FRMD4A: variants seen among roughly 807,000 people sequenced by gnomAD.
The protein encoded by FRMD4A is FERM domain-containing protein 4A.
In FRMD4A, 29 loss-of-function variants were observed where a neutral mutation model predicts 129.1. The ratio of observed to expected loss-of-function variants is 0.22; its 90% CI spans 0.17 to 0.31. The LOEUF (loss-of-function observed/expected upper bound fraction) is 0.31. Ranked by LOEUF, FRMD4A falls within the 10% of genes least tolerant of loss-of-function variation. The pLI is 1.00. For missense variants in FRMD4A, 1,272 were observed against 1,375.8 expected, an observed-to-expected ratio of 0.92 and a Z score of 1.19; for synonymous variants, 634 against 571.6, an observed-to-expected ratio of 1.11 and a Z score of -1.56.
intron 2 of FRMD4A, among the ~76,000 whole-genome samples, chr10:13,862,209 T>C (rs1351043003): frequency 6.6e-6 from 1 of 152,234 alleles, no homozygotes; most frequent in Non-Finnish European, 1.5e-5. Context: ...TGAGCTTCGT[T>C]TTATCATAAA....
chr10:13,724,340 A>G (rs1319187079), intron 12 of FRMD4A, among the ~76,000 whole-genome samples: 2 of 152,042 alleles, frequency 1.3e-5, no homozygotes, highest in East Asian at 1.9e-4. Context: ...GTGAGCTGAG[A>G]TAGTGCCACT....
chr10:14,013,950 C>G (rs1358178379), intron 2 of FRMD4A, among the ~76,000 whole-genome samples: 5 of 152,078 alleles, frequency 3.3e-5, no homozygotes, highest in Non-Finnish European at 7.4e-5. Flanking sequence ...AACAAACAAA[C>G]AAAAAACCCA....
intron 2 of FRMD4A, among the ~76,000 whole-genome samples, chr10:13,862,589 C>T (rs887578552): frequency 3.3e-5 from 5 of 152,150 alleles, no homozygotes; most frequent in Non-Finnish European, 2.9e-5. Context: ...AAACATGCTC[C>T]GTATTTTAAT....
chr10:14,097,527 C>T lies in FRMD4A; in HGVS notation c.45+232531G>A, dbSNP rs532048029. Among the ~76,000 whole-genome samples, 17 of 152,192 alleles carry T rather than the reference C, an allele frequency of 1.1e-4. No individual in the cohort carries two copies. The South Asian group carries it at 3.5e-3, about 32-fold the overall frequency. ...CCTGTCTGCCTTACCGAGGAGGAAA[C>T]GGAATTGCCCAAGGTTCAACAGCTA... is the stretch of plus-strand genomic sequence containing the variant. On this transcript the variant is annotated intron_variant, in intron 2 of 24. Transcript: ENST00000357447.
chr10:13,950,827 C>T (rs1214877478), intron 2 of FRMD4A, among the ~76,000 whole-genome samples: 3 of 152,176 alleles, frequency 2.0e-5, no homozygotes, highest in South Asian at 2.1e-4. Context: ...AAGTCCTCCC[C>T]GATGACCTTA....
At chr10:13,985,597 G>T (rs1018572828) in intron 2 of FRMD4A, among the ~76,000 whole-genome samples, 5 of 152,210 alleles carry the variant, frequency 3.3e-5, no homozygotes, top group Non-Finnish European at 5.9e-5. Flanking sequence ...CCTGAGCTGG[G>T]AGCAGGGTTA....
intron 21 of FRMD4A, among the ~76,000 whole-genome samples, chr10:13,658,630 C>T (rs1012502321): frequency 4.6e-5 from 7 of 152,144 alleles, no homozygotes; most frequent in African/African-American, 1.7e-4. Context: ...TCTCTAATCC[C>T]AGCACTTTGG....
chr10:14,103,181 C>T (rs905040864), intron 2 of FRMD4A, among the ~76,000 whole-genome samples: 1 of 152,140 alleles, frequency 6.6e-6, no homozygotes, highest in Non-Finnish European at 1.5e-5. Context: ...CAGCATCCAC[C>T]CCAAGATGCT....
intron 2 of FRMD4A, among the ~76,000 whole-genome samples, chr10:13,943,646 C>CAAAAAAAAAAAAAAAAAAAAAA (rs55774636): frequency 5.1e-5 from 3 of 58,262 alleles, no homozygotes; most frequent in African/African-American, 7.5e-5. Flanking sequence ...GACTCTGTCT[C>CAAAAAAAAAAAAAAAAAAAAAA]AAAAAAAAAA....
chr10:13,670,342 G>A (rs17153679), intron 17 of FRMD4A, 64 bp downstream of exon 17: 15 of 1,546,608 alleles, frequency 9.7e-6, no homozygotes, highest in Non-Finnish European at 1.2e-5. Flanking sequence ...AACCTGGAAG[G>A]CCTGACCAAT....
At chr10:14,201,172 C>A (rs183179845) in intron 2 of FRMD4A, among the ~76,000 whole-genome samples, 2 of 152,196 alleles carry the variant, frequency 1.3e-5, no homozygotes, top group Admixed American at 6.5e-5. Context: ...TTGCAGCTCA[C>A]GGGGATCTTC....
intron 2 of FRMD4A, among the ~76,000 whole-genome samples, chr10:14,184,103 TTTTTTG>T (rs1170865292): frequency 6.7e-6 from 1 of 149,526 alleles, no homozygotes; most frequent in African/African-American, 2.5e-5. Flanking sequence ...ACACATTTCC[TTTTTTG>T]TTTTTCTTTT....
chr10:14,069,572 A>G lies in FRMD4A; in HGVS notation c.46-210660T>C, dbSNP rs143224882. 7.0e-3 allele frequency among the ~76,000 whole-genome samples: 1,071 copies of G among 152,316 alleles called. 8 individuals carry two copies. The highest frequency in any genetic ancestry group is 0.017 in the Middle Eastern group (5 of 294). On this transcript the variant is annotated intron_variant, in intron 2 of 24. Coordinates refer to ENST00000357447, the MANE Select transcript of FRMD4A (RefSeq NM_018027.5). ...AGCATGCAGAAAATACTGTAAGAAC[A>G]ATTTAAGGGGATTTCCACAAAGCTA...
intron 14 of FRMD4A, among the ~76,000 whole-genome samples, chr10:13,698,638 G>A (rs145397858): frequency 1.3e-4 from 20 of 152,332 alleles, no homozygotes; most frequent in African/African-American, 4.3e-4. Context: ...AAGATGGCAC[G>A]TATTTCCTCA....
chr10:14,277,097 T>A (rs1845368073), intron 2 of FRMD4A, among the ~76,000 whole-genome samples: 1 of 152,126 alleles, frequency 6.6e-6, no homozygotes, highest in Admixed American at 6.5e-5. Context: ...ACTCCTGGAT[T>A]TGAGCAATCC....
chr10:13,702,683 C>G (rs2086958357), intron 13 of FRMD4A, among the ~76,000 whole-genome samples: 2 of 151,856 alleles, frequency 1.3e-5, no homozygotes, highest in Non-Finnish European at 2.9e-5. Context: ...TTGGAAGAAA[C>G]CTGGGGGTAA....
chr10:13,958,820 G>A (rs1007529676), intron 2 of FRMD4A, among the ~76,000 whole-genome samples: 2 of 149,614 alleles, frequency 1.3e-5, no homozygotes, highest in African/African-American at 4.9e-5. Flanking sequence ...CCTGACCTCA[G>A]GTGATCCACC....
At chr10:13,728,361 T>G (rs2090060482) in intron 12 of FRMD4A, among the ~76,000 whole-genome samples, 1 of 151,954 alleles carries the variant, frequency 6.6e-6, no homozygotes, top group Non-Finnish European at 1.5e-5. Flanking sequence ...CAGGCCCACA[T>G]GGAAATGCTG....
At chr10:14,029,333 G>A (rs900633699) in intron 2 of FRMD4A, among the ~76,000 whole-genome samples, 10 of 152,004 alleles carry the variant, frequency 6.6e-5, no homozygotes, top group African/African-American at 2.2e-4. Context: ...CTAGGGAAAC[G>A]GTGGGCAGAT....
Sources: allele counts gnomAD v4.1 joint callset (sites outside exome capture counted in the v4.1 genomes callset), GRCh38; gene constraint gnomAD v4.1.1; transcripts MANE v1.5; gene names NCBI Gene and HGNC (gene_info 2026-07-23, HGNC 2026-07-21).